Variants in GLIS3 observed in about 807,000 individuals in gnomAD.
The protein encoded by GLIS3 is GLIS family zinc finger 3.
GLIS3 carries 53 observed loss-of-function variants against 78.6 expected under a neutral mutation model. The ratio of observed to expected loss-of-function variants is 0.67; its 90% CI spans 0.54 to 0.85. The LOEUF is 0.85. Ranked by LOEUF, GLIS3 falls within the 40% of genes least tolerant of loss-of-function variation. The probability of loss-of-function intolerance (pLI) is 0.00; values close to 1 mark genes in which losing one functional copy is unlikely to be tolerated. For missense variants in GLIS3, 1,703 were observed against 1,231.1 expected, an observed-to-expected ratio of 1.38 and a Z score of -5.74; for synonymous variants, 684 against 509.9, an observed-to-expected ratio of 1.34 and a Z score of -4.60.
At chr9:4,104,726 T>C (rs1830626033) in intron 4 of GLIS3, among the ~76,000 whole-genome samples, 1 of 152,196 alleles carries the variant, frequency 6.6e-6, no homozygotes, top group South Asian at 2.1e-4. Context: ...CCAACACTCC[T>C]GCCTTGAGGC....
intron 2 of GLIS3, among the ~76,000 whole-genome samples, chr9:4,138,921 T>G (rs536501277): frequency 3.9e-5 from 6 of 152,174 alleles, no homozygotes; most frequent in African/African-American, 1.2e-4. Flanking sequence ...CTTGCAAGCA[T>G]GGGTATGTTG....
At chr9:4,296,601 A>C (rs1816528061) in intron 1 of GLIS3, among the ~76,000 whole-genome samples, 2 of 152,196 alleles carry the variant, frequency 1.3e-5, no homozygotes, top group East Asian at 3.8e-4. Context: ...CAGTGGAATC[A>C]GGGGATCAAC....
Position 4,008,315 on chromosome 9 carries a change from T to G in GLIS3, c.1711-71126A>C, listed in dbSNP as rs647395. Among the ~76,000 whole-genome samples, 744 of 152,270 alleles carry G rather than the reference T, an allele frequency of 4.9e-3. 6 individuals are homozygous for G. The highest frequency in any genetic ancestry group is 0.017 in the African/African-American group (727 of 41,560). ...GCTTGGCCATGACAAGTCTGGCATC[T>G]CAGGCAGGCTCAGAAATATCCATCA... is the stretch of plus-strand genomic sequence containing the variant. On this transcript the variant is annotated intron_variant, in intron 4 of 10. Transcript: ENST00000381971.
chr9:4,064,286 GA>G (rs1484487211), intron 4 of GLIS3, among the ~76,000 whole-genome samples: 1 of 151,838 alleles, frequency 6.6e-6, no homozygotes, highest in Non-Finnish European at 1.5e-5. Flanking sequence ...AAAAGTATTA[GA>G]AAACACAGAT....
chr9:4,016,165 C>G (rs1822420236), intron 4 of GLIS3, among the ~76,000 whole-genome samples: 1 of 152,152 alleles, frequency 6.6e-6, no homozygotes, highest in Non-Finnish European at 1.5e-5. Flanking sequence ...TCAAAGTAAA[C>G]TGAGTGAGTG....
At chr9:3,942,842 T>TGAAAA (rs1816027987) in intron 4 of GLIS3, among the ~76,000 whole-genome samples, 1 of 152,038 alleles carries the variant, frequency 6.6e-6, no homozygotes, top group South Asian at 2.1e-4. Flanking sequence ...ACCTTAATCT[T>TGAAAA]GAAAAGATAC....
chr9:4,054,365 A>T, intron 4 of GLIS3: 2 of 985,440 alleles, frequency 2.0e-6, no homozygotes, highest in South Asian at 9.4e-5. Flanking sequence ...AAAGGCACAG[A>T]GCAATAAAAC....
the GLIS3 span, among the ~76,000 whole-genome samples, chr9:4,459,492 A>C: frequency 2.6e-5 from 4 of 152,236 alleles, no homozygotes; most frequent in Non-Finnish European, 4.4e-5. Flanking sequence ...AGCCAAGAGC[A>C]ATGGCTTGTG....
At chr9:4,277,662 T>A (rs769170937) in intron 2 of GLIS3, among the ~76,000 whole-genome samples, 7 of 152,192 alleles carry the variant, frequency 4.6e-5, no homozygotes, top group Non-Finnish European at 7.3e-5. Flanking sequence ...CAGCAAGAAA[T>A]GTCAGAAGCC....
chr9:4,384,342 GAAAAA>G, the GLIS3 span, among the ~76,000 whole-genome samples: 6 of 149,930 alleles, frequency 4.0e-5, no homozygotes, highest in East Asian at 2.0e-4. Flanking sequence ...ACCTTCACTG[GAAAAA>G]AAAAAACTTT....
At chr9:4,196,701 C>A (rs1188068748) in intron 2 of GLIS3, among the ~76,000 whole-genome samples, 1 of 152,172 alleles carries the variant, frequency 6.6e-6, no homozygotes, top group Non-Finnish European at 1.5e-5. Flanking sequence ...AAGGAGCAAA[C>A]TCCAGACACG....
At chr9:4,055,662 G>A (rs561942857) in intron 4 of GLIS3, among the ~76,000 whole-genome samples, 1 of 152,312 alleles carries the variant, frequency 6.6e-6, no homozygotes, top group African/African-American at 2.4e-5. Context: ...AACGAGGAAT[G>A]ATGGTGTTAT....
At chr9:4,300,638 T>C (rs532720686), upstream of GLIS3, among the ~76,000 whole-genome samples, 1 of 152,020 alleles carries the variant, frequency 6.6e-6, no homozygotes, top group Non-Finnish European at 1.5e-5. Flanking sequence ...TGGAGGTATA[T>C]TCCCTGCGTA....
intron 2 of GLIS3, among the ~76,000 whole-genome samples, chr9:4,205,479 T>C (rs973405554): frequency 1.3e-5 from 2 of 152,242 alleles, no homozygotes; most frequent in African/African-American, 2.4e-5. Context: ...AAAGACATGC[T>C]GTCTCTTCCC....
chr9:4,473,771 C>T, the GLIS3 span, among the ~76,000 whole-genome samples: 4 of 151,934 alleles, frequency 2.6e-5, no homozygotes, highest in African/African-American at 9.7e-5. Flanking sequence ...ACATGCACCC[C>T]TAAACTTAAA....
chr9:4,091,466 A>G (rs940385653), intron 4 of GLIS3, among the ~76,000 whole-genome samples: 5 of 152,194 alleles, frequency 3.3e-5, no homozygotes, highest in Non-Finnish European at 7.3e-5. Flanking sequence ...AAAAACAATA[A>G]TAATAAACAC....
the GLIS3 span, among the ~76,000 whole-genome samples, chr9:4,468,414 C>G: frequency 6.6e-6 from 1 of 152,150 alleles, no homozygotes; most frequent in East Asian, 1.9e-4. Flanking sequence ...AAAGGGAAGT[C>G]CATCAGACTA....
chr9:3,858,574 T>C (rs1237106756), intron 8 of GLIS3, among the ~76,000 whole-genome samples: 1 of 152,136 alleles, frequency 6.6e-6, no homozygotes, highest in African/African-American at 2.4e-5. Context: ...GTCAAATAAA[T>C]GAATTTATAC....
intron 2 of GLIS3, among the ~76,000 whole-genome samples, chr9:4,227,114 A>G (rs1458184942): frequency 6.6e-6 from 1 of 152,176 alleles, no homozygotes; most frequent in Non-Finnish European, 1.5e-5. Context: ...GCAGATGGGC[A>G]CGGGCACAGA....
Sources: gnomAD v4.1 joint callset for allele counts (sites outside exome capture counted in the v4.1 genomes callset) on GRCh38, gnomAD v4.1.1 for gene constraint, MANE v1.5 for transcripts, NCBI Gene and HGNC (gene_info 2026-07-23, HGNC 2026-07-21) for gene names.